Variants in TBC1D8B observed in about 807,000 individuals in gnomAD.
TBC1D8B encodes the protein TBC1 domain family member 8B.
Under a neutral mutation model 82.9 loss-of-function variants are expected in TBC1D8B, and 75 were observed. That is an observed-to-expected ratio of 0.90 (90% CI 0.75 to 1.10). TBC1D8B has a LOEUF of 1.10. Among genes scored for constraint, TBC1D8B ranks in the 50% least tolerant of loss-of-function variants. TBC1D8B has a pLI of 0.00. For missense variants in TBC1D8B, 794 were observed against 796.9 expected, an observed-to-expected ratio of 1.00 and a Z score of 0.04; for synonymous variants, 276 against 276.8, an observed-to-expected ratio of 1.00 and a Z score of 0.03.
rs761632565 is a variant in TBC1D8B at position 106,865,563 on chromosome X, G to A, written c.2357G>A (p.Arg786His). The change falls in exon 15 of 21, where the codon CGT becomes CAT. Residue 786 changes from arginine to histidine, a missense_variant. Coordinates refer to ENST00000357242, the MANE Select transcript of TBC1D8B (RefSeq NM_017752.3). Reference sequence around the variant, plus strand: ...TTGCTTTTAATCTTTTTAAAGTTGCGTGTTGTATCACAAGATGTGAAATTG... The same window carrying A: ...TTGCTTTTAATCTTTTTAAAGTTGCATGTTGTATCACAAGATGTGAAATTG... ...LEETTKQNVLRVVSQDVKLSL... is the reference protein window; with the variant it reads ...LEETTKQNVLHVVSQDVKLSL... 14 of 1,194,516 alleles carry A rather than the reference G, an allele frequency of 1.2e-5. No homozygotes were observed. The highest frequency in any genetic ancestry group is 1.8e-5 in the African/African-American group (1 of 56,883).
chrX:106,856,666 T>C (rs765627800), intron 14 of TBC1D8B, among the ~76,000 whole-genome samples: 1 of 111,353 alleles, frequency 9.0e-6, no homozygotes, highest in African/African-American at 3.3e-5. Context: ...TCTTTTTTTG[T>C]TACTACAACA....
At position 106,865,850 on chromosome X, in the gene TBC1D8B, G is replaced by T; in HGVS notation, c.2479G>T (p.Asp827Tyr). 1 of 1,210,209 alleles carries T rather than the reference G, an allele frequency of 8.3e-7. No homozygotes were observed. The highest frequency in any genetic ancestry group is 1.8e-5 in the South Asian group (1 of 56,813). The change falls in exon 16 of 21, where the codon GAC (aspartate) becomes TAC (tyrosine). Residue 827 changes from aspartate (D) to tyrosine (Y), a missense_variant. By Grantham distance (160) the Asp-to-Tyr change is radical. Coordinates refer to ENST00000357242, the MANE Select transcript of TBC1D8B (RefSeq NM_017752.3). ...CLGCPVLKHHDPSLPYLEQYQ... is the reference protein window; with the variant it reads ...CLGCPVLKHHYPSLPYLEQYQ... ...GGGTTGCCCAGTATTGAAGCATCAT[G>T]ACCCCAGTCTGCCATATTTGGAACA...
At chrX:106,857,897 G>A (rs973858750) in intron 14 of TBC1D8B, among the ~76,000 whole-genome samples, 10 of 112,124 alleles carry the variant, frequency 8.9e-5, no homozygotes, top group Non-Finnish European at 1.9e-4. Flanking sequence ...TGTCTTTATG[G>A]TAGAATAATT....
rs776749044 is a variant in TBC1D8B at position 106,827,742 on chromosome X, T to C, written c.1203+405T>C. On this transcript the variant is annotated intron_variant, in intron 7 of 20. Coordinates refer to ENST00000357242, the MANE Select transcript of TBC1D8B (RefSeq NM_017752.3). ...ACCTGTCTGGATATCTTTTATTTAA[T>C]ATCTTATAGGTCAGCCTTATTTACA... is the stretch of plus-strand genomic sequence containing the variant. 19 of 121,479 alleles carry C rather than the reference T, an allele frequency of 1.6e-4. No homozygotes were observed. The South Asian group carries it at 5.7e-3, about 37-fold the overall frequency. The allele number at this position is 121,479 out of a possible 1,213,427, so 10.0% of individuals were successfully genotyped here. A position where few individuals can be genotyped will look rare whatever the true frequency, so the allele number is the denominator to read the frequency against.
chrX:106,833,129 C>T (rs1242981119), intron 7 of TBC1D8B, among the ~76,000 whole-genome samples: 1 of 110,504 alleles, frequency 9.0e-6, no homozygotes, highest in South Asian at 3.8e-4. Flanking sequence ...TTTATTATAC[C>T]GAGTTTATGA....
intron 2 of TBC1D8B, among the ~76,000 whole-genome samples, chrX:106,819,811 C>T (rs1406049414): frequency 3.6e-5 from 4 of 110,414 alleles, no homozygotes; most frequent in Non-Finnish European, 7.6e-5. Flanking sequence ...TAAAAAAAGG[C>T]CTTTCTACTT....
At chrX:106,863,392 C>T (rs1482276622) in intron 14 of TBC1D8B, among the ~76,000 whole-genome samples, 3 of 111,294 alleles carry the variant, frequency 2.7e-5, no homozygotes, top group African/African-American at 9.8e-5. Context: ...TTCATGCCCG[C>T]ATTTCTTTTG....
At chrX:106,861,100 G>C (rs746572545) in intron 14 of TBC1D8B, among the ~76,000 whole-genome samples, 113 of 111,928 alleles carry the variant, frequency 1.0e-3, no homozygotes, top group African/African-American at 3.6e-3. Flanking sequence ...TAGTTGTTAT[G>C]ATTTTGGGTT....
intron 12 of TBC1D8B, among the ~76,000 whole-genome samples, chrX:106,852,398 G>C (rs1932607827): frequency 9.4e-6 from 1 of 106,326 alleles, no homozygotes; most frequent in South Asian, 4.2e-4. Context: ...TTCTTTTGCT[G>C]TGCAGAAGCT....
chrX:106,822,290 G>A (rs1931718075), intron 4 of TBC1D8B, 88 bp downstream of exon 4: 4 of 727,527 alleles, frequency 5.5e-6, no homozygotes, highest in East Asian at 3.4e-5. Context: ...TAAAATAATA[G>A]GATTGATATT....
chrX:106,857,621 T>C (rs1043412767), intron 14 of TBC1D8B, among the ~76,000 whole-genome samples: 6 of 112,089 alleles, frequency 5.4e-5, no homozygotes, highest in African/African-American at 1.9e-4. Flanking sequence ...TGTGTCCATG[T>C]GTACTCAATG....
At chrX:106,831,355 A>G (rs1357940802) in intron 7 of TBC1D8B, among the ~76,000 whole-genome samples, 2 of 111,326 alleles carry the variant, frequency 1.8e-5, no homozygotes, top group African/African-American at 6.5e-5. Flanking sequence ...TCAATTCCAG[A>G]CGCAGAATTT....
At chrX:106,859,099 G>T (rs892000830) in intron 14 of TBC1D8B, among the ~76,000 whole-genome samples, 4 of 111,880 alleles carry the variant, frequency 3.6e-5, no homozygotes, top group Non-Finnish European at 7.5e-5. Flanking sequence ...ATGCTGTTTT[G>T]GTTACTGTAG....
intron 10 of TBC1D8B, among the ~76,000 whole-genome samples, chrX:106,845,428 T>C (rs1343114872): frequency 9.4e-6 from 1 of 106,044 alleles, no homozygotes; most frequent in Non-Finnish European, 1.9e-5. Context: ...TAGGTATATC[T>C]CCTAATGCTA....
chrX:106,865,754 T>C (rs1258001734), intron 15 of TBC1D8B, 39 bp from the exon 16 acceptor site: 2 of 1,141,064 alleles, frequency 1.8e-6, no homozygotes, highest in East Asian at 3.0e-5. Flanking sequence ...AATTACTTTT[T>C]CTAATTAGTA....
Position 106,840,206 on chromosome X carries a change from G to A in TBC1D8B, c.1504+8G>A, listed in dbSNP as rs41304488. 1.6e-3 allele frequency: 1,939 copies of A among 1,195,990 alleles called. 4 individuals are homozygous for A. The highest frequency in any genetic ancestry group is 2.6e-3 in the African/African-American group (145 of 56,679). On this transcript the variant is annotated splice_region_variant and intron_variant, in intron 9 of 20. Transcript: ENST00000357242. The stretch of plus-strand genomic sequence containing the variant: ...TCTGGATGCTTTTTTCAGGTATTAC[G>A]TTTATTCATTGTATTTATTTAATAG...
At chrX:106,869,833 A>G (rs1932836567) in intron 19 of TBC1D8B, among the ~76,000 whole-genome samples, 1 of 112,064 alleles carries the variant, frequency 8.9e-6, no homozygotes, top group African/African-American at 3.2e-5. Context: ...TCCTTTTCAG[A>G]TCTATTCCTA....
At chrX:106,852,114 G>C (rs1206098413) in intron 12 of TBC1D8B, among the ~76,000 whole-genome samples, 2 of 103,012 alleles carry the variant, frequency 1.9e-5, no homozygotes, top group African/African-American at 7.0e-5. Flanking sequence ...ATTCTAACTG[G>C]TGTGAGATGG....
intron 7 of TBC1D8B, among the ~76,000 whole-genome samples, chrX:106,834,727 G>T (rs1253509749): frequency 2.7e-5 from 3 of 111,720 alleles, no homozygotes; most frequent in African/African-American, 9.8e-5. Context: ...AAAACAAAGG[G>T]GCTACAGGCC....
Sources: gnomAD v4.1 joint callset for allele counts (sites outside exome capture counted in the v4.1 genomes callset) on GRCh38, gnomAD v4.1.1 for gene constraint, MANE v1.5 for transcripts, NCBI Gene and HGNC (gene_info 2026-07-23, HGNC 2026-07-21) for gene names.